The following MEST variants were observed in gnomAD, a reference collection of about 807,000 sequenced individuals.
The protein encoded by MEST is mesoderm-specific transcript homolog protein.
Under a neutral mutation model 50.9 loss-of-function variants are expected in MEST, and 18 were observed. The observed-to-expected ratio is 0.35, with a 90% confidence interval of 0.24 to 0.52. The LOEUF is 0.52. Among genes scored for constraint, MEST ranks in the 20% least tolerant of loss-of-function variants. The pLI is 0.94. For synonymous variants in MEST, 130 were observed against 154.1 expected, an observed-to-expected ratio of 0.84 and a Z score of 1.16; for missense variants, 282 against 425.3, an observed-to-expected ratio of 0.66 and a Z score of 2.96.
chr7:130,502,529 A>T lies in MEST; in HGVS notation c.750-115A>T, dbSNP rs1307334267. 6.6e-6 allele frequency: 5 copies of T among 763,306 alleles called. No individual in the cohort carries two copies. In the African/African-American group the frequency reaches 8.7e-5, roughly 13 times the overall value. 47.3% of individuals were successfully genotyped at this position (763,306 alleles called of 1,614,324 possible). A position where few individuals can be genotyped will look rare whatever the true frequency, so the allele number is the denominator to read the frequency against. On this transcript the variant is annotated intron_variant, in intron 9 of 11. Coordinates refer to ENST00000223215, the MANE Select transcript of MEST (RefSeq NM_002402.4). ...AGTGGGACATTTCCAGGAATGCTAA[A>T]CTGCTTCTGGATTAAGAAATTGTAT...
In MEST at chr7:130,504,965, C is replaced by T. The variant is rs782296475; in HGVS notation, c.917C>T (p.Ser306Leu). 2 of 1,613,600 alleles carry T rather than the reference C, an allele frequency of 1.2e-6. No homozygotes were observed. Among genetic ancestry groups the T allele is most frequent in the South Asian group, 1.1e-5 (1 of 91,044 alleles). ...AAAACGCTGCCGCGGTCCACAGTGT[C>T]GATTCTGGATGACCACATTAGCCAC... ...YRKTLPRSTVSILDDHISHYP... is the reference protein window; with the variant it reads ...YRKTLPRSTVLILDDHISHYP... The change falls in exon 12 of 12, where the codon TCG becomes TTG. Residue 306 changes from serine to leucine, a missense_variant. Transcript: ENST00000223215.
At chr7:130,486,329 A>T (rs1471070706) in exon 1 of MEST, 1 of 152,282 alleles carries the variant, frequency 6.6e-6, no homozygotes, top group Non-Finnish European at 1.5e-5. Flanking sequence ...CTCTGGCCTC[A>T]GGAAGCGCAT....
In MEST at chr7:130,505,809, G is replaced by A. The variant is rs1554439762; in HGVS notation, c.*753G>A. 6.6e-6 allele frequency: 1 copy of A among 152,188 alleles called. No homozygotes were observed. 9.4% of individuals were successfully genotyped at this position (152,188 alleles called of 1,614,324 possible). A position where few individuals can be genotyped will look rare whatever the true frequency, so the allele number is the denominator to read the frequency against. ...ATTTCCTAAAATCACAGGACATTAA[G>A]GACCAATAGCATCTGTGCCAGAGAT... On this transcript the variant is annotated 3_prime_UTR_variant, in exon 12 of 12. Transcript: ENST00000223215.
At chr7:130,491,258 G>A (rs1798799105), upstream of MEST, 2 of 152,284 alleles carry the variant, frequency 1.3e-5, no homozygotes, top group Admixed American at 6.5e-5. This position sits in a 1 kb window ranked among gnomAD's most constrained non-coding sequence, Gnocchi z 6.8. Flanking sequence ...AATAAAGGGG[G>A]CTTTGCTCTC....
rs544124592 is a variant in MEST, at chr7:130,497,566, T to A, written c.261+331T>A. On this transcript the variant is annotated intron_variant, in intron 3 of 11. Coordinates refer to ENST00000223215, the MANE Select transcript of MEST (RefSeq NM_002402.4). This position sits in a 1 kb window ranked among gnomAD's most constrained non-coding sequence, Gnocchi z 4.0. ...AGCGAGAGTCTGTCTCAAAAAAAAA[T>A]TTTTTTTTAATAAAAATTTAAAAAA... 193 of 232,986 alleles carry A rather than the reference T, an allele frequency of 8.3e-4. No homozygotes were observed. Among genetic ancestry groups the A allele is most frequent in the Middle Eastern group, 4.5e-3 (3 of 672 alleles). 14.4% of individuals were successfully genotyped at this position (232,986 alleles called of 1,614,324 possible).
At chr7:130,495,778 G>GTTTTGT in intron 2 of MEST, 1 of 188,928 alleles carries the variant, frequency 5.3e-6, no homozygotes, top group East Asian at 1.5e-4. Flanking sequence ...TCCAATATTA[G>GTTTTGT]TTTTTTTTTT....
At chr7:130,504,441 A>G (rs1308045331) in intron 11 of MEST, among the ~76,000 whole-genome samples, 1 of 152,250 alleles carries the variant, frequency 6.6e-6, no homozygotes, top group East Asian at 1.9e-4. Flanking sequence ...CTTACTTGGA[A>G]GGTATCAGAA....
intron 6 of MEST, chr7:130,498,804 A>G: frequency 2.4e-6 from 1 of 423,128 alleles, no homozygotes; most frequent in Non-Finnish European, 4.3e-6. Context: ...TAACAGCTAT[A>G]TCAGAAGGAG....
In MEST at chr7:130,497,126, C is replaced by T; in HGVS notation, c.182-30C>T. On this transcript the variant is annotated intron_variant, in intron 2 of 11. Coordinates refer to ENST00000223215, the MANE Select transcript of MEST (RefSeq NM_002402.4). The surrounding 1 kb of genome is among the most constrained non-coding windows in gnomAD (Gnocchi z 4.0). ...CGAGGTTATTTTTATAGGGATTTGG[C>T]ATAATTGATTGTACTTTCCTTCTTC... The T allele has an allele frequency of 1.3e-6, 2 of 1,571,184 alleles. No homozygotes were observed.
rs1277265043 is a variant in MEST at position 130,497,864 on chromosome 7, C to T, written c.262-72C>T. The T allele has an allele frequency of 7.2e-7, 1 of 1,385,834 alleles. No homozygotes were observed. The highest frequency in any genetic ancestry group is 1.0e-6 in the Non-Finnish European group (1 of 972,646). The allele number at this position is 1,385,834 out of a possible 1,614,324, so 85.8% of individuals were successfully genotyped here. On this transcript the variant is annotated intron_variant, in intron 3 of 11. Coordinates refer to ENST00000223215, the MANE Select transcript of MEST (RefSeq NM_002402.4). The surrounding 1 kb of genome is among the most constrained non-coding windows in gnomAD (Gnocchi z 4.0). ...TTAAGCCAAGATAGGGCTGAAGCTC[C>T]TGTGCAACTGTAGGTCTGGTGAAAG...
upstream of MEST, chr7:130,488,619 A>C (rs1217744619): frequency 6.6e-6 from 1 of 152,248 alleles, no homozygotes; most frequent in African/African-American, 2.4e-5. Flanking sequence ...TCTGTGAGTG[A>C]AAATACTCAT....
rs376658524 is a variant in MEST at position 130,498,187 on chromosome 7, C to A, written c.388C>A (p.Leu130Ile). The change falls in exon 5 of 12, where the codon CTT (leucine) becomes ATT (isoleucine). Residue 130 changes from leucine to isoleucine, a missense_variant. Coordinates refer to ENST00000223215, the MANE Select transcript of MEST (RefSeq NM_002402.4). ...IFEQASIVEA[L>I]LRHLGLQNRR... ...TGAGCAGGCCAGCATCGTGGAAGCG[C>A]TTTTGCGGCATCTGGGGCTCCAGAA... The A allele has an allele frequency of 2.5e-6, 4 of 1,614,186 alleles. No homozygotes were observed. The highest frequency in any genetic ancestry group is 2.5e-6 in the Non-Finnish European group (3 of 1,180,038).
chr7:130,500,993 C>T lies in MEST; in HGVS notation c.749+103C>T. 1.0e-6 allele frequency: 1 copy of T among 967,380 alleles called. No individual in the cohort carries two copies. The highest frequency in any genetic ancestry group is 1.6e-6 in the Non-Finnish European group (1 of 644,454). 59.9% of individuals were successfully genotyped at this position (967,380 alleles called of 1,614,324 possible). On this transcript the variant is annotated intron_variant, in intron 9 of 11. Transcript: ENST00000223215. The surrounding 1 kb of genome is among the most constrained non-coding windows in gnomAD (Gnocchi z 5.0). ...TGGCTTATTCCCTATCACAGGAAGG[C>T]TGATGATGACCTATGGGGCAAACCA...
chr7:130,495,315 T>G, intron 1 of MEST, 53 bp from the exon 2 acceptor site: 8 of 1,538,072 alleles, frequency 5.2e-6, no homozygotes, highest in Non-Finnish European at 7.0e-6. Context: ...GGTTTGTAGA[T>G]GAGTGGACAA....
chr7:130,505,796 C>T lies in MEST; in HGVS notation c.*740C>T, dbSNP rs1799455535. 6.6e-6 allele frequency: 1 copy of T among 152,176 alleles called. No homozygotes were observed. The highest frequency in any genetic ancestry group is 2.4e-5 in the African/African-American group (1 of 41,436). 9.4% of individuals were successfully genotyped at this position (152,176 alleles called of 1,614,324 possible). ...CTAAATCCAAACTATTTCCTAAAAT[C>T]ACAGGACATTAAGGACCAATAGCAT... On this transcript the variant is annotated 3_prime_UTR_variant, in exon 12 of 12. Coordinates refer to ENST00000223215, the MANE Select transcript of MEST (RefSeq NM_002402.4).
intron 5 of MEST, 61 bp from the exon 6 acceptor site, chr7:130,498,358 T>TCAG: frequency 6.2e-7 from 1 of 1,611,524 alleles, no homozygotes; most frequent in African/African-American, 1.3e-5. Flanking sequence ...TCTCTCGTTT[T>TCAG]CAGCGGTGCA....
chr7:130,500,070 C>G lies in MEST; in HGVS notation c.576+155C>G. On this transcript the variant is annotated intron_variant, in intron 7 of 11. Transcript: ENST00000223215. The surrounding 1 kb of genome is among the most constrained non-coding windows in gnomAD (Gnocchi z 5.0). ...TGAAGTTACTTTTTCCCTTCTTAGG[C>G]AACTAAAGCAGAGGCAGTGGCCCCT... The G allele has an allele frequency of 1.5e-6, 1 of 670,006 alleles. No homozygotes were observed. The allele number at this position is 670,006 out of a possible 1,614,324, so 41.5% of individuals were successfully genotyped here.
At chr7:130,504,069 G>C in intron 11 of MEST, 73 bp downstream of exon 11, 1 of 1,225,360 alleles carries the variant, frequency 8.2e-7, no homozygotes, top group Non-Finnish European at 1.2e-6. Flanking sequence ...ATTGCCTGTT[G>C]AGGGCTATTG....
chr7:130,495,083 CA>C (rs2116248945), intron 1 of MEST, among the ~76,000 whole-genome samples: 1 of 152,116 alleles, frequency 6.6e-6, no homozygotes, highest in African/African-American at 2.4e-5. Flanking sequence ...GGGAAGACCA[CA>C]AGGGTAGGGG....
Sources: allele counts gnomAD v4.1 joint callset (sites outside exome capture counted in the v4.1 genomes callset), GRCh38; gene constraint gnomAD v4.1.1; non-coding constraint Gnocchi (gnomAD v3.1); transcripts MANE v1.5; gene names NCBI Gene and HGNC (gene_info 2026-07-23, HGNC 2026-07-21).